The following SCAPER variants were observed in gnomAD, a reference collection of about 807,000 sequenced individuals.
The protein encoded by SCAPER is S phase cyclin A-associated protein in the endoplasmic reticulum.
Under a neutral mutation model 182.2 loss-of-function variants are expected in SCAPER, and 98 were observed. The observed-to-expected ratio is 0.54, with a 90% CI of 0.46 to 0.64. SCAPER has a LOEUF of 0.64. Among genes scored for constraint, SCAPER ranks in the 30% least tolerant of loss-of-function variants. SCAPER has a pLI of 0.00. For synonymous variants in SCAPER, 605 were observed against 564.6 expected, an observed-to-expected ratio of 1.07 and a Z score of -1.01; for missense variants, 1,432 against 1,690.0, an observed-to-expected ratio of 0.85 and a Z score of 2.68.
chr15:76,458,750 G>A (rs2048933203), intron 25 of SCAPER, among the ~76,000 whole-genome samples: 1 of 152,030 alleles, frequency 6.6e-6, no homozygotes, highest in African/African-American at 2.4e-5. Flanking sequence ...CTCTGCTACT[G>A]AACACTGGAA....
chr15:76,637,738 ATATATGTGTGTGTGTGTG>A (rs1187541028), intron 21 of SCAPER, among the ~76,000 whole-genome samples: 489 of 28,738 alleles, frequency 0.017, 7 homozygotes, highest in Non-Finnish European at 0.03. Context: ...ATATATATAT[ATATATGTGTGTGTGTGTG>A]TGTGTGTGTG....
chr15:76,619,381 A>G lies in SCAPER; in HGVS notation c.2711+2383T>C, dbSNP rs2051805684. Among the ~76,000 whole-genome samples, 4 of 152,202 alleles carry G rather than the reference A, an allele frequency of 2.6e-5. No individual in the cohort carries two copies. The South Asian group carries it at 8.3e-4, about 32-fold the overall frequency. On this transcript the variant is annotated intron_variant, in intron 22 of 31. Transcript: ENST00000563290. ...AGTTTGGAGCTATTATTACAATTAA[A>G]ATGGCTGCAATATATACAAGTCTTT...
At chr15:76,667,996 CCA>C (rs1360643369) in intron 20 of SCAPER, among the ~76,000 whole-genome samples, 1 of 152,084 alleles carries the variant, frequency 6.6e-6, no homozygotes, top group Admixed American at 6.6e-5. Flanking sequence ...CTCAAAATCT[CCA>C]GTTAGGTGGA....
chr15:76,653,321 T>C (rs752544442), intron 21 of SCAPER, among the ~76,000 whole-genome samples: 2 of 152,156 alleles, frequency 1.3e-5, no homozygotes, highest in Non-Finnish European at 2.9e-5. Context: ...ATGCTATTCA[T>C]ATCAAACTGC....
intron 8 of SCAPER, among the ~76,000 whole-genome samples, chr15:76,776,717 A>G (rs1214279220): frequency 1.3e-5 from 2 of 152,012 alleles, no homozygotes; most frequent in Non-Finnish European, 2.9e-5. Context: ...TCCCCTCCTT[A>G]GTGTGAGGGT....
intron 24 of SCAPER, among the ~76,000 whole-genome samples, chr15:76,496,089 G>A (rs1372138262): frequency 6.6e-6 from 1 of 150,862 alleles, no homozygotes; most frequent in Non-Finnish European, 1.5e-5. Flanking sequence ...CAAGAGGGAA[G>A]GAAAAAAAGA....
At chr15:76,719,288 G>A (rs1322032346) in intron 17 of SCAPER, among the ~76,000 whole-genome samples, 1 of 152,072 alleles carries the variant, frequency 6.6e-6, no homozygotes, top group African/African-American at 2.4e-5. Flanking sequence ...GCCACACATG[G>A]AAAGAAAAAT....
At chr15:76,881,381 C>A (rs113348283) in intron 2 of SCAPER, among the ~76,000 whole-genome samples, 1,801 of 152,344 alleles carry the variant, frequency 0.012, 22 homozygotes, top group African/African-American at 0.04. Flanking sequence ...CAGGCGTAAG[C>A]CATTGCGTCT....
intron 29 of SCAPER, among the ~76,000 whole-genome samples, chr15:76,362,325 G>A (rs1049824477): frequency 5.9e-5 from 9 of 151,616 alleles, no homozygotes; most frequent in Non-Finnish European, 1.2e-4. Context: ...TCACTTATAT[G>A]GGAATAGTTT....
intron 31 of SCAPER, chr15:76,350,180 G>T (rs2040438952): frequency 1.3e-5 from 2 of 152,162 alleles, no homozygotes; most frequent in African/African-American, 4.8e-5. Context: ...ACTAATTCTT[G>T]CTCAGACAAA....
At chr15:76,874,396 A>G (rs1488934669) in intron 2 of SCAPER, among the ~76,000 whole-genome samples, 1 of 152,218 alleles carries the variant, frequency 6.6e-6, no homozygotes, top group East Asian at 1.9e-4. Flanking sequence ...GAAGTTAGTA[A>G]AAGAGCACCA....
chr15:76,726,004 C>G (rs1481170282), intron 17 of SCAPER, among the ~76,000 whole-genome samples: 1 of 149,560 alleles, frequency 6.7e-6, no homozygotes. Flanking sequence ...AGAAATTGAA[C>G]TATGTCCAAA....
intron 24 of SCAPER, among the ~76,000 whole-genome samples, chr15:76,477,389 G>A (rs1329480429): frequency 6.6e-6 from 1 of 152,102 alleles, no homozygotes; most frequent in Admixed American, 6.5e-5. Flanking sequence ...TGAGAATTCT[G>A]CAAATATATA....
chr15:76,754,215 A>C (rs2062270266), intron 14 of SCAPER, among the ~76,000 whole-genome samples: 2 of 152,040 alleles, frequency 1.3e-5, no homozygotes, highest in Non-Finnish European at 2.9e-5. Context: ...AAATAACATT[A>C]CCTAACTCAC....
At chr15:76,829,083 A>C (rs1220320950) in intron 5 of SCAPER, among the ~76,000 whole-genome samples, 2 of 152,058 alleles carry the variant, frequency 1.3e-5, no homozygotes, top group Non-Finnish European at 2.9e-5. Context: ...ACAAGTGGAC[A>C]AAAAAAATGT....
chr15:76,842,677 T>C (rs1270334991), intron 4 of SCAPER, among the ~76,000 whole-genome samples: 1 of 152,198 alleles, frequency 6.6e-6, no homozygotes, highest in Non-Finnish European at 1.5e-5. Context: ...AACAACTGTA[T>C]ATTATAAATC....
chr15:76,713,916 CAA>C (rs1020717963), intron 17 of SCAPER, among the ~76,000 whole-genome samples: 4 of 152,082 alleles, frequency 2.6e-5, no homozygotes, highest in African/African-American at 7.2e-5. Context: ...TGAATGGCCA[CAA>C]AAAGACTCAT....
intron 2 of SCAPER, among the ~76,000 whole-genome samples, chr15:76,881,471 C>T (rs2073534849): frequency 6.6e-6 from 1 of 152,198 alleles, no homozygotes. Flanking sequence ...AAAGGGGAAA[C>T]AGCCCAAGTG....
intron 8 of SCAPER, among the ~76,000 whole-genome samples, chr15:76,792,639 C>G (rs1215662796): frequency 6.6e-6 from 1 of 152,134 alleles, no homozygotes; most frequent in Non-Finnish European, 1.5e-5. Context: ...TTAAAGAAGC[C>G]CAGGAAATAT....
Sources: allele counts gnomAD v4.1 joint callset (sites outside exome capture counted in the v4.1 genomes callset), GRCh38; gene constraint gnomAD v4.1.1; transcripts MANE v1.5; gene names NCBI Gene and HGNC (gene_info 2026-07-23, HGNC 2026-07-21).